PRKN: variants seen among roughly 807,000 people sequenced by gnomAD.
PRKN encodes parkin RBR E3 ubiquitin protein ligase, also known as E3 ubiquitin-protein ligase parkin.
Under a neutral mutation model 59.5 loss-of-function variants are expected in PRKN, and 56 were observed. The ratio of observed to expected loss-of-function variants is 0.94; its 90% CI spans 0.76 to 1.18. The LOEUF is 1.18. Ranked by LOEUF, PRKN falls within the 50% of genes most tolerant of loss-of-function variation. PRKN has a pLI of 0.00. For missense variants in PRKN, 657 were observed against 596.4 expected (o/e 1.10, Z -1.06); for synonymous variants, 250 against 222.1 (o/e 1.13, Z -1.12).
intron 6 of PRKN, among the ~76,000 whole-genome samples, chr6:161,842,579 T>A (rs1793034216): frequency 6.6e-6 from 1 of 152,104 alleles, no homozygotes; most frequent in African/African-American, 2.4e-5. Context: ...CTTTTTCTTT[T>A]TTTGAGACAG....
At chr6:161,605,866 G>A (rs1025888123) in intron 7 of PRKN, among the ~76,000 whole-genome samples, 1 of 152,078 alleles carries the variant, frequency 6.6e-6, no homozygotes, top group Non-Finnish European at 1.5e-5. Context: ...CTGATGAGTG[G>A]CATATAGAGA....
At chr6:162,236,207 T>C (rs1361591498) in intron 3 of PRKN, among the ~76,000 whole-genome samples, 1 of 152,198 alleles carries the variant, frequency 6.6e-6, no homozygotes, top group African/African-American at 2.4e-5. Context: ...CTTGTACCCG[T>C]TGACTACATA....
At chr6:161,683,596 G>A (rs1018496176) in intron 7 of PRKN, among the ~76,000 whole-genome samples, 1 of 152,206 alleles carries the variant, frequency 6.6e-6, no homozygotes, top group East Asian at 1.9e-4. Context: ...GCACCTGAAC[G>A]CTTGTAAGTC....
intron 7 of PRKN, among the ~76,000 whole-genome samples, chr6:161,781,863 T>G (rs1027485248): frequency 6.6e-6 from 1 of 152,170 alleles, no homozygotes; most frequent in Non-Finnish European, 1.5e-5. Context: ...GCCAACTACA[T>G]AGAATAACAT....
At chr6:161,606,722 C>T (rs145955248) in intron 7 of PRKN, among the ~76,000 whole-genome samples, 73 of 152,258 alleles carry the variant, frequency 4.8e-4, no homozygotes, top group African/African-American at 1.4e-3. Context: ...GCAGCACCAC[C>T]GGAAGGCCCA....
chr6:161,753,305 G>T (rs1384855801), intron 7 of PRKN, among the ~76,000 whole-genome samples: 1 of 152,132 alleles, frequency 6.6e-6, no homozygotes, highest in African/African-American at 2.4e-5. Flanking sequence ...CACAGAGAGG[G>T]CATGGAGATC....
At chr6:162,586,619 G>A (rs535567041) in intron 1 of PRKN, among the ~76,000 whole-genome samples, 1 of 152,214 alleles carries the variant, frequency 6.6e-6, no homozygotes, top group African/African-American at 2.4e-5. Flanking sequence ...AATCTACCAC[G>A]AGGGGCTATA....
At chr6:161,814,347 A>C (rs939168248) in intron 6 of PRKN, among the ~76,000 whole-genome samples, 1 of 152,220 alleles carries the variant, frequency 6.6e-6, no homozygotes, top group Non-Finnish European at 1.5e-5. Context: ...AGAGGTTTCT[A>C]AAGAGACACA....
At chr6:162,142,167 T>C (rs1781815717) in intron 4 of PRKN, among the ~76,000 whole-genome samples, 1 of 151,852 alleles carries the variant, frequency 6.6e-6, no homozygotes, top group Admixed American at 6.6e-5. Context: ...AAGAAATGGA[T>C]AGAAAAAAAA....
At chr6:162,085,798 C>T (rs1779222988) in intron 4 of PRKN, among the ~76,000 whole-genome samples, 1 of 152,064 alleles carries the variant, frequency 6.6e-6, no homozygotes, top group Admixed American at 6.5e-5. Context: ...CCACCCACTG[C>T]AGTGAAAAAC....
intron 2 of PRKN, among the ~76,000 whole-genome samples, chr6:162,378,813 T>TG (rs1258638526): frequency 6.6e-6 from 1 of 152,190 alleles, no homozygotes; most frequent in East Asian, 1.9e-4. Flanking sequence ...GAGCCTCTAA[T>TG]GGGGCATTTG....
At chr6:162,353,118 C>T (rs1422546977) in intron 2 of PRKN, among the ~76,000 whole-genome samples, 1 of 152,122 alleles carries the variant, frequency 6.6e-6, no homozygotes, top group African/African-American at 2.4e-5. Context: ...GTGGTGGTAG[C>T]AGGCCAATGC....
intron 7 of PRKN, among the ~76,000 whole-genome samples, chr6:161,662,094 A>G (rs1484170192): frequency 6.6e-6 from 1 of 152,186 alleles, no homozygotes; most frequent in Non-Finnish European, 1.5e-5. Context: ...TTCTGTATGG[A>G]AAGATGAGGA....
chr6:162,462,103 A>T (rs529606565), intron 1 of PRKN, among the ~76,000 whole-genome samples: 1 of 152,332 alleles, frequency 6.6e-6, no homozygotes, highest in South Asian at 2.1e-4. Context: ...TATAACTGTG[A>T]GAACTCTGGA....
rs71278571 is a variant in PRKN at position 161,497,577 on chromosome 6, T to TCACACACA, written c.1083+51269_1083+51276dup. Among the ~76,000 whole-genome samples the TCACACACA allele has an allele frequency of 1.8e-3, 263 of 147,462 alleles. 1 individual carries two copies. Among genetic ancestry groups the TCACACACA allele is most frequent in the African/African-American group, 5.5e-3 (217 of 39,796 alleles). ...ATGTCTCTCTCTCTCTCTCTCTCTC[T>TCACACACA]CACACACACACACACACACACCATA... On this transcript the variant is annotated intron_variant, in intron 9 of 11. Coordinates refer to ENST00000366898, the MANE Select transcript of PRKN (RefSeq NM_004562.3). The surrounding 1 kb of genome is among the most constrained non-coding windows in gnomAD (Gnocchi z 4.6).
In PRKN at chr6:161,552,317, T is replaced by C. The variant is rs1451789756; in HGVS notation, c.934-3314A>G. ...CCTCCAAGCCCCTCTCCCTCAGCTC[T>C]GTTCACCTCCGCCTATGACTGTGAA... is the stretch of plus-strand genomic sequence containing the variant. On this transcript the variant is annotated intron_variant, in intron 8 of 11. Transcript: ENST00000366898. The surrounding 1 kb of genome is among the most constrained non-coding windows in gnomAD (Gnocchi z 4.9). Among the ~76,000 whole-genome samples, 8 of 150,854 alleles carry C rather than the reference T, an allele frequency of 5.3e-5. No homozygotes were observed. The highest frequency in any genetic ancestry group is 2.0e-4 in the African/African-American group (8 of 40,526).
At position 161,548,990 on chromosome 6, in the gene PRKN, T is replaced by G. The variant is rs764955994; in HGVS notation, c.947A>C (p.Gln316Pro). ...ILGEEQYNRY[Q>P]QYGAEECVLQ... ...GACACACTCCTCTGCACCATACTGC[T>G]GGTACCGGTTGTACTGCAAAACCCA... Residue 316 changes from glutamine (Q) to proline (P), a missense_variant, in exon 9 of 12, where the codon CAG becomes CCG. Coordinates refer to ENST00000366898, the MANE Select transcript of PRKN (RefSeq NM_004562.3). This position sits in a 1 kb window ranked among gnomAD's most constrained non-coding sequence, Gnocchi z 4.2. 1.2e-6 allele frequency: 2 copies of G among 1,614,214 alleles called. No homozygotes were observed. Among genetic ancestry groups the G allele is most frequent in the South Asian group, 2.2e-5 (2 of 91,076 alleles).
intron 1 of PRKN, among the ~76,000 whole-genome samples, chr6:162,708,783 T>G (rs1427474511): frequency 6.6e-6 from 1 of 152,182 alleles, no homozygotes; most frequent in Non-Finnish European, 1.5e-5. Flanking sequence ...GGGAGAGCAG[T>G]CTTCCCTGGG....
At chr6:162,544,672 A>ATTTT (rs11296683) in intron 1 of PRKN, among the ~76,000 whole-genome samples, 6 of 71,526 alleles carry the variant, frequency 8.4e-5, no homozygotes, top group African/African-American at 1.2e-4. Context: ...TTTATTGTTG[A>ATTTT]TTTTTTTTTT....
Sources: gnomAD v4.1 joint callset for allele counts (sites outside exome capture counted in the v4.1 genomes callset) on GRCh38, gnomAD v4.1.1 for gene constraint, Gnocchi (gnomAD v3.1) non-coding constraint, MANE v1.5 for transcripts, NCBI Gene and HGNC (gene_info 2026-07-23, HGNC 2026-07-21) for gene names.